LYPD6B: variants seen among roughly 807,000 people sequenced by gnomAD.
The protein encoded by LYPD6B is ly6/PLAUR domain-containing protein 6B.
Under a neutral mutation model 22.8 loss-of-function variants are expected in LYPD6B, and 17 were observed. The ratio of observed to expected loss-of-function variants is 0.75; its 90% confidence interval spans 0.51 to 1.12. The LOEUF is 1.12. LYPD6B is among the 50% of genes most tolerant of loss of function. The pLI, the probability that LYPD6B is intolerant of heterozygous loss-of-function variation, is 0.00. For synonymous variants in LYPD6B, 106 were observed against 91.6 expected (o/e 1.16, Z -0.90); for missense variants, 221 against 258.3 (o/e 0.86, Z 0.99).
intron 3 of LYPD6B, among the ~76,000 whole-genome samples, chr2:149,202,727 T>C (rs1693249035): frequency 6.6e-6 from 1 of 152,208 alleles, no homozygotes; most frequent in Non-Finnish European, 1.5e-5. Context: ...ACATGTTGAA[T>C]GAATGAATGG....
chr2:149,203,679 T>A (rs1693317053), intron 3 of LYPD6B, among the ~76,000 whole-genome samples: 2 of 152,228 alleles, frequency 1.3e-5, no homozygotes, highest in African/African-American at 4.8e-5. Flanking sequence ...TGTAGAAAGT[T>A]TAGCTATTGT....
intron 1 of LYPD6B, among the ~76,000 whole-genome samples, chr2:149,114,881 A>G (rs915883863): frequency 2.0e-5 from 3 of 152,214 alleles, no homozygotes; most frequent in African/African-American, 7.2e-5. Context: ...TAATGTCAAC[A>G]TGGACTTGTG....
chr2:149,043,437 C>T (rs1355184936), intron 1 of LYPD6B, among the ~76,000 whole-genome samples: 1 of 152,082 alleles, frequency 6.6e-6, no homozygotes, highest in Non-Finnish European at 1.5e-5. Context: ...AAAACAGAAA[C>T]GCAAATAAAA....
At chr2:149,199,375 A>G (rs1401750671) in intron 3 of LYPD6B, among the ~76,000 whole-genome samples, 3 of 152,204 alleles carry the variant, frequency 2.0e-5, no homozygotes, top group Non-Finnish European at 1.5e-5. Context: ...AGATGATTGT[A>G]TTAATTCTTG....
intron 1 of LYPD6B, among the ~76,000 whole-genome samples, chr2:149,080,841 C>CA (rs35803068): frequency 0.053 from 2,450 of 46,004 alleles, 262 homozygotes; most frequent in African/African-American, 0.18. Context: ...GACTCTATCT[C>CA]AAAAAAAAAA....
chr2:149,187,202 G>A (rs1692169427), intron 3 of LYPD6B, among the ~76,000 whole-genome samples: 1 of 152,196 alleles, frequency 6.6e-6, no homozygotes, highest in African/African-American at 2.4e-5. Context: ...AGGTATGCCT[G>A]TAGGTCCTTT....
intron 1 of LYPD6B, among the ~76,000 whole-genome samples, chr2:149,086,707 A>G (rs1685410951): frequency 6.6e-6 from 1 of 152,182 alleles, no homozygotes; most frequent in African/African-American, 2.4e-5. Context: ...GCCCTAAACA[A>G]TAAAAATTTA....
chr2:149,183,675 G>GT (rs1691898954), intron 3 of LYPD6B, among the ~76,000 whole-genome samples: 2 of 152,158 alleles, frequency 1.3e-5, no homozygotes, highest in Admixed American at 1.3e-4. Flanking sequence ...CAGGTTTGCA[G>GT]TTTGTACGTG....
At chr2:149,107,811 C>T (rs916002288) in intron 1 of LYPD6B, among the ~76,000 whole-genome samples, 6 of 152,104 alleles carry the variant, frequency 3.9e-5, no homozygotes, top group Non-Finnish European at 7.4e-5. Context: ...TAACTGTCCA[C>T]TTGTGTGTAA....
intron 1 of LYPD6B, among the ~76,000 whole-genome samples, chr2:149,045,879 A>G (rs1683283509): frequency 6.6e-6 from 1 of 152,082 alleles, no homozygotes; most frequent in South Asian, 2.1e-4. Flanking sequence ...GATGGGTGGG[A>G]TGTTCCAGAA....
Position 149,048,141 on chromosome 2 carries a change from G to A in LYPD6B, c.-67+9340G>A, listed in dbSNP as rs370517994. ...GTTCTATTCATTGCAATGTCTTTTC[G>A]CAGTATGATCTTTTCTTGCTTTTCT... On this transcript the variant is annotated intron_variant, in intron 1 of 6. Coordinates refer to ENST00000409642, the MANE Select transcript of LYPD6B (RefSeq NM_177964.5). Among the ~76,000 whole-genome samples the A allele has an allele frequency of 1.1e-4, 17 of 151,996 alleles. 1 individual carries two copies. The highest frequency in any genetic ancestry group is 6.8e-3 in the Middle Eastern group (2 of 294).
intron 1 of LYPD6B, among the ~76,000 whole-genome samples, chr2:149,105,261 T>A (rs1174153450): frequency 1.3e-5 from 2 of 152,182 alleles, no homozygotes; most frequent in Non-Finnish European, 2.9e-5. Context: ...AGTCTTAAAA[T>A]CAAGTGGTTG....
chr2:149,104,110 A>G (rs1686351143), intron 1 of LYPD6B, among the ~76,000 whole-genome samples: 1 of 151,928 alleles, frequency 6.6e-6, no homozygotes, highest in South Asian at 2.1e-4. Context: ...CTGAATAACT[A>G]TCCATTGTAT....
At chr2:149,057,740 A>C (rs1213849731) in intron 1 of LYPD6B, among the ~76,000 whole-genome samples, 3 of 152,204 alleles carry the variant, frequency 2.0e-5, no homozygotes, top group Admixed American at 2.0e-4. Context: ...GTGCTGTAAG[A>C]AATGCAACAG....
At chr2:149,138,715 T>C (rs529648517) in intron 2 of LYPD6B, among the ~76,000 whole-genome samples, 1 of 152,256 alleles carries the variant, frequency 6.6e-6, no homozygotes, top group East Asian at 1.9e-4. Flanking sequence ...CCATTTTTAA[T>C]ATTTTTGTAG....
At chr2:149,168,277 G>A (rs1690569654) in intron 3 of LYPD6B, among the ~76,000 whole-genome samples, 1 of 151,490 alleles carries the variant, frequency 6.6e-6, no homozygotes, top group South Asian at 2.1e-4. Context: ...AAGAGGAGCT[G>A]GGGATGGTGC....
At chr2:149,159,589 CGTGTGTGTGT>C (rs60129822) in intron 2 of LYPD6B, among the ~76,000 whole-genome samples, 35 of 145,902 alleles carry the variant, frequency 2.4e-4, no homozygotes, top group African/African-American at 6.1e-4. Context: ...CATATGTGTG[CGTGTGTGTGT>C]GTGTGTGTGT....
chr2:149,142,237 GA>G (rs1169742210), intron 2 of LYPD6B: 4 of 152,192 alleles, frequency 2.6e-5, no homozygotes, highest in Non-Finnish European at 4.4e-5. Flanking sequence ...ACCCAGCCAG[GA>G]TGCAGACCCA....
intron 3 of LYPD6B, among the ~76,000 whole-genome samples, chr2:149,164,171 A>T (rs1690272526): frequency 6.6e-6 from 1 of 152,128 alleles, no homozygotes; most frequent in African/African-American, 2.4e-5. Context: ...GAGGGAATTG[A>T]TGACAACCTA....
Sources: allele counts gnomAD v4.1 joint callset (sites outside exome capture counted in the v4.1 genomes callset), GRCh38; gene constraint gnomAD v4.1.1; transcripts MANE v1.5; gene names NCBI Gene and HGNC (gene_info 2026-07-23, HGNC 2026-07-21).